NEBL: variants seen among roughly 807,000 people sequenced by gnomAD.
NEBL encodes nebulette, also known as LIM and SH3 protein 2.
NEBL carries 122 observed loss-of-function variants against 140.2 expected under a neutral mutation model. The ratio of observed to expected loss-of-function variants is 0.87; its 90% confidence interval spans 0.75 to 1.01. The LOEUF (loss-of-function observed/expected upper bound fraction) is 1.01. NEBL is among the 50% of genes least tolerant of loss of function. The pLI is 0.00. For missense variants in NEBL, 1,365 were observed against 1,231.3 expected (o/e 1.11, Z -1.62); for synonymous variants, 436 against 398.9 (o/e 1.09, Z -1.11).
intron 2 of NEBL, among the ~76,000 whole-genome samples, chr10:21,156,808 T>C (rs946560593): frequency 6.6e-6 from 1 of 152,226 alleles, no homozygotes; most frequent in African/African-American, 2.4e-5. Context: ...ATCGTAGGAA[T>C]ATTAAGATTA....
intron 2 of NEBL, among the ~76,000 whole-genome samples, chr10:21,169,835 A>T (rs1423786250): frequency 6.6e-6 from 1 of 152,260 alleles, no homozygotes; most frequent in African/African-American, 2.4e-5. Flanking sequence ...TACTGGAATC[A>T]TATGAGAAAT....
intron 4 of NEBL, among the ~76,000 whole-genome samples, chr10:20,913,879 G>A (rs1252948517): frequency 6.6e-6 from 1 of 152,134 alleles, no homozygotes; most frequent in South Asian, 2.1e-4. Flanking sequence ...TTCAAAAACT[G>A]GAGTTTTCTT....
chr10:21,213,731 G>C (rs933031933), intron 3 of NEBL, among the ~76,000 whole-genome samples: 1 of 152,132 alleles, frequency 6.6e-6, no homozygotes. Flanking sequence ...GCAGCCTTTA[G>C]CTATAATGTA....
At position 21,025,336 on chromosome 10, in the gene NEBL, T is replaced by C. The variant is rs144306003; in HGVS notation, c.165-5135A>G. On this transcript the variant is annotated intron_variant, in intron 2 of 6. Transcript: ENST00000417816. ...TGAGCTATGCAAGAATTGGCTGAAG[T>C]GTGTGTATCAAGACTGAGCTGACAG... Among the ~76,000 whole-genome samples, 405 of 152,268 alleles carry C rather than the reference T, an allele frequency of 2.7e-3. 4 individuals are homozygous for C. The highest frequency in any genetic ancestry group is 9.5e-3 in the African/African-American group (396 of 41,556).
chr10:21,238,438 G>A lies in NEBL; in HGVS notation n.348+9483C>T, dbSNP rs138688989. Among the ~76,000 whole-genome samples the A allele has an allele frequency of 5.9e-5, 9 of 152,056 alleles. No homozygotes were observed. In the East Asian group the frequency reaches 1.4e-3, roughly 23 times the overall value. On this transcript the variant is annotated intron_variant and non_coding_transcript_variant, in intron 3 of 8. Coordinates refer to the NEBL transcript ENST00000675702. ...AGTTGGGCCGGGCCCGGTGGCTCAC[G>A]CCTGTAATCCCAGCACTTTGGGAGG...
At chr10:20,865,421 C>G (rs1262644024) in intron 7 of NEBL, among the ~76,000 whole-genome samples, 1 of 152,062 alleles carries the variant, frequency 6.6e-6, no homozygotes, top group Non-Finnish European at 1.5e-5. Context: ...AGCAATTTGT[C>G]CAAGATCACT....
intron 16 of NEBL, 148 bp from the exon 17 acceptor site, chr10:20,828,782 A>G: frequency 6.5e-6 from 4 of 616,112 alleles, no homozygotes; most frequent in East Asian, 2.8e-5. Flanking sequence ...AGAGAGAGAG[A>G]GGTGGAGAGA....
intron 2 of NEBL, among the ~76,000 whole-genome samples, chr10:21,043,484 T>C (rs1345942583): frequency 2.0e-5 from 3 of 152,222 alleles, no homozygotes; most frequent in Admixed American, 6.5e-5. Context: ...AAGATATCAT[T>C]CTTCAAATTT....
At chr10:21,261,545 G>T (rs1842739327) in intron 1 of NEBL, among the ~76,000 whole-genome samples, 1 of 151,906 alleles carries the variant, frequency 6.6e-6, no homozygotes, top group South Asian at 2.1e-4. Context: ...TACACAGGAG[G>T]CTGGGGCAGA....
intron 26 of NEBL, among the ~76,000 whole-genome samples, chr10:20,808,305 G>T (rs1837795100): frequency 1.3e-5 from 2 of 151,646 alleles, no homozygotes; most frequent in Non-Finnish European, 2.9e-5. Flanking sequence ...GTAAGACGGG[G>T]GGAAAATAAC....
At chr10:21,053,067 G>GT (rs1834847476) in intron 2 of NEBL, among the ~76,000 whole-genome samples, 1 of 152,090 alleles carries the variant, frequency 6.6e-6, no homozygotes, top group Non-Finnish European at 1.5e-5. Flanking sequence ...GCCTTGATTT[G>GT]ATCACTATAC....
intron 3 of NEBL, among the ~76,000 whole-genome samples, chr10:21,016,740 A>G (rs950699106): frequency 6.6e-6 from 1 of 152,242 alleles, no homozygotes; most frequent in Non-Finnish European, 1.5e-5. Flanking sequence ...TGAGCTGTTC[A>G]GAACTCCAGA....
chr10:21,079,621 G>A (rs1051828050), intron 2 of NEBL, among the ~76,000 whole-genome samples: 1 of 152,120 alleles, frequency 6.6e-6, no homozygotes, highest in African/African-American at 2.4e-5. Flanking sequence ...CAAATAGAAG[G>A]ACAAAAGTGG....
intron 2 of NEBL, among the ~76,000 whole-genome samples, chr10:21,072,664 T>G (rs1045777018): frequency 6.6e-6 from 1 of 152,178 alleles, no homozygotes; most frequent in African/African-American, 2.4e-5. Context: ...CAGTTGTTGG[T>G]CATCTCTATT....
chr10:20,993,082 C>G (rs1837531025), intron 3 of NEBL, among the ~76,000 whole-genome samples: 1 of 151,942 alleles, frequency 6.6e-6, no homozygotes, highest in Non-Finnish European at 1.5e-5. Flanking sequence ...CGCGCCTGGC[C>G]TGCAACTACA....
chr10:21,196,856 T>C (rs1841661998), intron 3 of NEBL, among the ~76,000 whole-genome samples: 1 of 152,250 alleles, frequency 6.6e-6, no homozygotes, highest in African/African-American at 2.4e-5. Context: ...TTTTAAAAGC[T>C]CAAGATTTTG....
chr10:21,012,169 T>C (rs752500127), intron 3 of NEBL, among the ~76,000 whole-genome samples: 18 of 151,968 alleles, frequency 1.2e-4, no homozygotes, highest in Non-Finnish European at 2.9e-5. Flanking sequence ...TCGTACAATC[T>C]ACCATGGCCA....
intron 11 of NEBL, among the ~76,000 whole-genome samples, chr10:20,845,683 T>A (rs1175698192): frequency 6.6e-6 from 1 of 152,148 alleles, no homozygotes; most frequent in Non-Finnish European, 1.5e-5. Context: ...TTTGACTGGA[T>A]CCCCCAATTG....
chr10:21,255,016 G>A (rs1328742260), intron 1 of NEBL, among the ~76,000 whole-genome samples: 1 of 152,156 alleles, frequency 6.6e-6, no homozygotes, highest in African/African-American at 2.4e-5. Flanking sequence ...TGTAGCTGGA[G>A]TTCTCTGCCT....
Sources: gnomAD v4.1 joint callset for allele counts (sites outside exome capture counted in the v4.1 genomes callset) on GRCh38, gnomAD v4.1.1 for gene constraint, MANE v1.5 for transcripts, NCBI Gene and HGNC (gene_info 2026-07-23, HGNC 2026-07-21) for gene names.